The following CCDC66 variants were observed in gnomAD, a reference collection of about 807,000 sequenced individuals.
CCDC66 encodes coiled-coil domain-containing protein 66.
CCDC66 carries 133 observed loss-of-function variants against 128.3 expected under a neutral mutation model. That is an observed-to-expected ratio of 1.04 (90% confidence interval 0.90 to 1.20). CCDC66 has a LOEUF of 1.20. CCDC66 is among the 50% of genes most tolerant of loss of function. The probability of loss-of-function intolerance (pLI) is 0.00; values close to 1 mark genes in which losing one functional copy is unlikely to be tolerated. For synonymous variants in CCDC66, 387 were observed against 357.0 expected, an observed-to-expected ratio of 1.08 and a Z score of -0.95; for missense variants, 1,126 against 1,075.5, an observed-to-expected ratio of 1.05 and a Z score of -0.66.
rs770717276 is a variant in CCDC66 at position 56,619,320 on chromosome 3, C to G, written c.2428C>G (p.Gln810Glu). The G allele has an allele frequency of 1.3e-5, 21 of 1,613,160 alleles. No individual in the cohort carries two copies. The highest frequency in any genetic ancestry group is 2.2e-5 in the South Asian group (2 of 90,922). Residue 810 changes from glutamine to glutamate, a missense_variant, in exon 16 of 18, where the codon CAA becomes GAA. Physicochemically the swap from Gln to Glu is conservative, Grantham distance 29. Coordinates refer to ENST00000394672, the MANE Select transcript of CCDC66 (RefSeq NM_001141947.3). ...AGTGAAAAACAGAACCCAACAAACT[C>G]AAAATACATTACATTTACCACTAAA... is the stretch of plus-strand genomic sequence containing the variant. Reference protein sequence around the residue: ...PVVKNRTQQTQNTLHLPLKNS... With the variant: ...PVVKNRTQQTENTLHLPLKNS...
Position 56,566,761 on chromosome 3 carries a change from T to G in CCDC66, c.710+2T>G, listed in dbSNP as rs749651594. On this transcript the variant is annotated splice_donor_variant, in intron 5 of 17. Coordinates refer to ENST00000394672, the MANE Select transcript of CCDC66 (RefSeq NM_001141947.3). LOFTEE classifies it high-confidence loss of function. ...ACAGTGTGAGCAAAAAATTGCCATG[T>G]ATGTAACTCCTATCTGTTGTTATTG... 1 of 1,608,114 alleles carries G rather than the reference T, an allele frequency of 6.2e-7. No homozygotes were observed. Among genetic ancestry groups the G allele is most frequent in the Non-Finnish European group, 8.5e-7 (1 of 1,177,020 alleles).
intron 3 of CCDC66, 123 bp from the exon 4 acceptor site, chr3:56,563,561 T>C (rs2065412164): frequency 1.5e-6 from 1 of 682,288 alleles, no homozygotes. Flanking sequence ...TTTCTTATGG[T>C]TATATTACCT....
Position 56,567,038 on chromosome 3 carries a change from T to G in CCDC66, c.799T>G (p.Trp267Gly), listed in dbSNP as rs779213750. The G allele has an allele frequency of 1.2e-6, 2 of 1,613,072 alleles. No individual in the cohort carries two copies. The highest frequency in any genetic ancestry group is 1.7e-6 in the Non-Finnish European group (2 of 1,179,212). ...TTCGTTGGAAGCAAAAAAAGCCCAG[T>G]GGAGGAAAGAGCTAGGTAGGTAACT... ...RSSLEAKKAQ[W>G]RKELDEQVAL... Residue 267 changes from tryptophan to glycine, a missense_variant, in exon 6 of 18, where the codon TGG (tryptophan) becomes GGG (glycine). Coordinates refer to ENST00000394672, the MANE Select transcript of CCDC66 (RefSeq NM_001141947.3).
At chr3:56,619,998 A>G (rs1355110049) in intron 17 of CCDC66, 97 bp downstream of exon 17, 5 of 1,324,934 alleles carry the variant, frequency 3.8e-6, no homozygotes, top group Non-Finnish European at 5.1e-6. Flanking sequence ...ACTTCGGTGC[A>G]TCCCAGGATT....
chr3:56,601,089 G>A (rs2073078146), intron 10 of CCDC66, among the ~76,000 whole-genome samples: 1 of 151,900 alleles, frequency 6.6e-6, no homozygotes, highest in Non-Finnish European at 1.5e-5. Flanking sequence ...TTACTTCTAG[G>A]GTTTTTATGG....
chr3:56,596,575 T>C (rs1403453373), intron 10 of CCDC66, among the ~76,000 whole-genome samples: 1 of 147,930 alleles, frequency 6.8e-6, no homozygotes, highest in East Asian at 2.0e-4. Flanking sequence ...CTCTGGTTAT[T>C]GTTTCCTTTC....
chr3:56,615,179 C>T lies in CCDC66; in HGVS notation c.1618C>T (p.Gln540Ter). The T allele has an allele frequency of 6.2e-7, 1 of 1,614,002 alleles. No individual in the cohort carries two copies. Among genetic ancestry groups the T allele is most frequent in the Non-Finnish European group, 8.5e-7 (1 of 1,179,968 alleles). Residue 540 changes from glutamine (Q) to a stop codon, truncating the protein, a stop_gained, in exon 12 of 18, where the codon CAG becomes TAG. Transcript: ENST00000394672. LOFTEE classifies it high-confidence loss of function. ...GCTATTCCAGACAATGCAGCGAGCA[C>T]AGGAACTGGCACAGAGACTAAAACA... is the stretch of plus-strand genomic sequence containing the variant. ...NELFQTMQRA[Q>*]ELAQRLKQEQ...
At chr3:56,596,567 C>G (rs1408373472) in intron 10 of CCDC66, among the ~76,000 whole-genome samples, 1 of 146,004 alleles carries the variant, frequency 6.8e-6, no homozygotes, top group East Asian at 2.0e-4. Context: ...CTCTTTCACT[C>G]TGGTTATTGT....
chr3:56,559,489 A>G, intron 2 of CCDC66, 80 bp from the exon 3 acceptor site: 4 of 892,888 alleles, frequency 4.5e-6, no homozygotes, highest in Non-Finnish European at 5.1e-6. Flanking sequence ...TCTTATAACA[A>G]TATTAATTAC....
At chr3:56,611,383 C>G (rs2074779678) in intron 10 of CCDC66, among the ~76,000 whole-genome samples, 1 of 151,732 alleles carries the variant, frequency 6.6e-6, no homozygotes. Flanking sequence ...CACCCAACTC[C>G]CCCACAAACC....
intron 17 of CCDC66, 43 bp downstream of exon 17, chr3:56,619,944 G>A (rs2076145783): frequency 1.5e-5 from 24 of 1,590,490 alleles, no homozygotes; most frequent in Non-Finnish European, 1.9e-5. Flanking sequence ...TCTTTATGTG[G>A]CGTGGGCGGT....
At chr3:56,594,408 C>T (rs778784138) in intron 10 of CCDC66, among the ~76,000 whole-genome samples, 21 of 151,820 alleles carry the variant, frequency 1.4e-4, no homozygotes, top group Non-Finnish European at 2.2e-4. Context: ...GCATAATGGC[C>T]GGGCACGGTG....
Position 56,621,529 on chromosome 3 carries a change from C to A in CCDC66, c.2761-3C>A. 6.3e-7 allele frequency: 1 copy of A among 1,579,446 alleles called. No individual in the cohort carries two copies. The highest frequency in any genetic ancestry group is 8.6e-7 in the Non-Finnish European group (1 of 1,162,958). On this transcript the variant is annotated splice_polypyrimidine_tract_variant and splice_region_variant and intron_variant, in intron 17 of 17. Coordinates refer to ENST00000394672, the MANE Select transcript of CCDC66 (RefSeq NM_001141947.3). ...TAACAAACATATATCAATGTGATTT[C>A]AGGGCCTTCTCCAGAAGCAAAAGGA...
intron 4 of CCDC66, 50 bp from the exon 5 acceptor site, chr3:56,566,544 T>C (rs749892170): frequency 2.5e-5 from 30 of 1,212,586 alleles, no homozygotes; most frequent in Non-Finnish European, 3.5e-5. Flanking sequence ...CCAAGTATTA[T>C]AACAGATGTA....
At position 56,619,447 on chromosome 3, in the gene CCDC66, C is replaced by T. The variant is rs1222417535; in HGVS notation, c.2555C>T (p.Thr852Ile). Residue 852 changes from threonine (T) to isoleucine (I), a missense_variant, in exon 16 of 18, where the codon ACA (threonine) becomes ATA (isoleucine). Transcript: ENST00000394672. ...TCCCATTTTATTCCGTATGTTCGAACAAATGAGATCTATTACCTTGATCCC... is the reference window on the plus strand; with the variant it reads ...TCCCATTTTATTCCGTATGTTCGAATAAATGAGATCTATTACCTTGATCCC... ...ESSHFIPYVR[T>I]NEIYYLDPDA... 1.2e-6 allele frequency: 2 copies of T among 1,613,932 alleles called. No homozygotes were observed. Among genetic ancestry groups the T allele is most frequent in the Admixed American group, 1.7e-5 (1 of 60,010 alleles).
At chr3:56,594,074 C>A in intron 10 of CCDC66, 46 bp downstream of exon 10, 2 of 1,488,082 alleles carry the variant, frequency 1.3e-6, no homozygotes, top group South Asian at 1.1e-5. Context: ...AAGTAACAGT[C>A]ATGGTGAACA....
chr3:56,570,308 C>T (rs1297415558), intron 6 of CCDC66: 2 of 152,120 alleles, frequency 1.3e-5, no homozygotes, highest in African/African-American at 2.4e-5. Context: ...GACTATATCT[C>T]TCAGACACAG....
intron 7 of CCDC66, chr3:56,572,332 G>A (rs2066747038): frequency 7.8e-6 from 10 of 1,286,142 alleles, no homozygotes; most frequent in Non-Finnish European, 9.1e-6. Context: ...TTACACTTCT[G>A]CTAGCTCTTC....
chr3:56,619,614 C>CT, intron 16 of CCDC66, 87 bp downstream of exon 16: 1 of 1,499,832 alleles, frequency 6.7e-7, no homozygotes, highest in East Asian at 2.3e-5. Context: ...TTAGTAATTC[C>CT]TGCACTTAGT....
Sources: gnomAD v4.1 joint callset for allele counts (sites outside exome capture counted in the v4.1 genomes callset) on GRCh38, gnomAD v4.1.1 for gene constraint, MANE v1.5 for transcripts, NCBI Gene and HGNC (gene_info 2026-07-23, HGNC 2026-07-21) for gene names.